The following C3orf20 variants were observed in gnomAD, a reference collection of about 807,000 sequenced individuals.
C3orf20 encodes the protein uncharacterized protein C3orf20.
C3orf20 carries 76 observed loss-of-function variants against 88.3 expected under a neutral mutation model. The observed-to-expected ratio is 0.86, with a 90% CI of 0.72 to 1.04. The LOEUF is 1.04. Ranked by LOEUF, C3orf20 falls within the 50% of genes least tolerant of loss-of-function variation. C3orf20 has a pLI of 0.00. For missense variants in C3orf20, 1,056 were observed against 1,123.3 expected (o/e 0.94, Z 0.86); for synonymous variants, 436 against 437.4 (o/e 1.00, Z 0.04).
intron 6 of C3orf20, 111 bp from the exon 7 acceptor site, chr3:14,704,226 G>C (rs1258315018): frequency 2.6e-6 from 3 of 1,139,472 alleles, no homozygotes; most frequent in Middle Eastern, 2.9e-4. Flanking sequence ...GTGTACTTTG[G>C]GGACAGGGGA....
chr3:14,749,763 T>G (rs2035166805), intron 12 of C3orf20, among the ~76,000 whole-genome samples: 1 of 152,110 alleles, frequency 6.6e-6, no homozygotes, highest in African/African-American at 2.4e-5. Flanking sequence ...TTTAGTTATT[T>G]TCTTTGTGGT....
At chr3:14,702,665 T>C (rs972804975) in intron 5 of C3orf20, among the ~76,000 whole-genome samples, 1 of 152,104 alleles carries the variant, frequency 6.6e-6, no homozygotes, top group Admixed American at 6.5e-5. Context: ...TGTCTCGAAC[T>C]CCTGACCTCA....
At position 14,724,109 on chromosome 3, in the gene C3orf20, G is replaced by A. The variant is rs149564374; in HGVS notation, c.1566+2325G>A. ...GCTGGGATTACAGGCGTGAGCCACC[G>A]TGCCTGGCCAGAAAAAGCTATTGTT... On this transcript the variant is annotated intron_variant, in intron 10 of 16. Transcript: ENST00000253697. 4.9e-3 allele frequency among the ~76,000 whole-genome samples: 750 copies of A among 152,196 alleles called. 7 individuals are homozygous for A. Among genetic ancestry groups the A allele is most frequent in the African/African-American group, 0.017 (690 of 41,502 alleles).
At chr3:14,762,319 A>G (rs1166425966) in intron 15 of C3orf20, among the ~76,000 whole-genome samples, 1 of 152,086 alleles carries the variant, frequency 6.6e-6, no homozygotes, top group Non-Finnish European at 1.5e-5. Context: ...CTTGTTGAGC[A>G]CCTCCTGGGC....
intron 4 of C3orf20, among the ~76,000 whole-genome samples, chr3:14,689,748 G>T (rs966735618): frequency 1.3e-5 from 2 of 151,828 alleles, no homozygotes; most frequent in African/African-American, 2.4e-5. Context: ...GCTGTTCCTT[G>T]TTCCGGTCCC....
At chr3:14,715,562 G>T (rs2033907565) in intron 9 of C3orf20, among the ~76,000 whole-genome samples, 153 bp downstream of exon 9, 1 of 152,254 alleles carries the variant, frequency 6.6e-6, no homozygotes, top group Non-Finnish European at 1.5e-5. Flanking sequence ...TCATTCAGAG[G>T]TTCCCAAGTT....
At chr3:14,687,945 C>A (rs2032515464) in intron 4 of C3orf20, among the ~76,000 whole-genome samples, 1 of 152,178 alleles carries the variant, frequency 6.6e-6, no homozygotes, top group Admixed American at 6.5e-5. Flanking sequence ...CACTCCCTAG[C>A]AAGCATCCCT....
intron 7 of C3orf20, among the ~76,000 whole-genome samples, chr3:14,713,267 CCTT>C (rs2033818225): frequency 6.6e-6 from 1 of 152,158 alleles, no homozygotes; most frequent in East Asian, 1.9e-4. Context: ...TCTTGTCTCT[CCTT>C]CTGGGACTCC....
chr3:14,685,886 G>A (rs1469130733), intron 4 of C3orf20, among the ~76,000 whole-genome samples: 7 of 129,012 alleles, frequency 5.4e-5, no homozygotes, highest in African/African-American at 8.8e-5. Flanking sequence ...TTTTTGAGAC[G>A]GAGTCTCGCT....
rs2031691331 is a variant in C3orf20, at chr3:14,675,199, T to C, written c.-352T>C. 6.6e-6 allele frequency: 1 copy of C among 152,226 alleles called. No homozygotes were observed. The highest frequency in any genetic ancestry group is 1.5e-5 in the Non-Finnish European group (1 of 68,054). 9.4% of individuals were successfully genotyped at this position (152,226 alleles called of 1,614,324 possible). A position where few individuals can be genotyped will look rare whatever the true frequency, so the allele number is the denominator to read the frequency against. On this transcript the variant is annotated 5_prime_UTR_variant, in exon 1 of 17. Transcript: ENST00000253697. ...ACTGTGTCCTTTTAAGTCAGTAAAT[T>C]GAACTAAGTCGGTTATTCGGCAAGC...
chr3:14,732,444 G>C (rs1559428260), intron 12 of C3orf20, among the ~76,000 whole-genome samples: 1 of 152,088 alleles, frequency 6.6e-6, no homozygotes, highest in Non-Finnish European at 1.5e-5. Context: ...TTATTCTCTT[G>C]ACAGTGTATT....
At chr3:14,708,659 T>G (rs1414253389) in intron 7 of C3orf20, among the ~76,000 whole-genome samples, 1 of 152,066 alleles carries the variant, frequency 6.6e-6, no homozygotes, top group Admixed American at 6.6e-5. Context: ...TGTTGTTGTT[T>G]TTGAGACAGA....
chr3:14,739,260 A>G (rs1393861764), intron 12 of C3orf20, among the ~76,000 whole-genome samples: 2 of 152,206 alleles, frequency 1.3e-5, no homozygotes, highest in African/African-American at 2.4e-5. Context: ...GTGGGCTGCA[A>G]TATGGTTGCT....
chr3:14,705,873 C>G (rs551188637), intron 7 of C3orf20, among the ~76,000 whole-genome samples: 1 of 152,196 alleles, frequency 6.6e-6, no homozygotes, highest in African/African-American at 2.4e-5. Context: ...AAAAGGAATT[C>G]TGTGGCCAAG....
At position 14,713,972 on chromosome 3, in the gene C3orf20, G is replaced by C. The variant is rs368156293; in HGVS notation, c.1161-35G>C. The C allele has an allele frequency of 4.6e-4, 749 of 1,612,294 alleles. 2 individuals are homozygous for C. The highest frequency in any genetic ancestry group is 6.1e-4 in the Non-Finnish European group (723 of 1,179,164). On this transcript the variant is annotated intron_variant, in intron 7 of 16. Transcript: ENST00000253697. Reference sequence around the variant, plus strand: ...GACAACTGAGAGCAGAACCAGGGGAGTTTTCTGTTAGTTCTACCTGAACAT... The same window carrying C: ...GACAACTGAGAGCAGAACCAGGGGACTTTTCTGTTAGTTCTACCTGAACAT...
chr3:14,699,173 A>T (rs1465823369), intron 5 of C3orf20, among the ~76,000 whole-genome samples: 1 of 152,070 alleles, frequency 6.6e-6, no homozygotes, highest in Non-Finnish European at 1.5e-5. Context: ...GCCCCAGGAC[A>T]GGTATAGAAA....
At chr3:14,713,107 T>C (rs2033812954) in intron 7 of C3orf20, among the ~76,000 whole-genome samples, 1 of 152,228 alleles carries the variant, frequency 6.6e-6, no homozygotes, top group African/African-American at 2.4e-5. Flanking sequence ...CTTTTGACAG[T>C]TGAATTATAA....
intron 1 of C3orf20, among the ~76,000 whole-genome samples, chr3:14,680,183 C>T (rs1334326271): frequency 6.6e-6 from 1 of 152,164 alleles, no homozygotes; most frequent in Non-Finnish European, 1.5e-5. Context: ...AAACATACAT[C>T]CACACAAAAG....
At chr3:14,733,826 T>G (rs1266830425) in intron 12 of C3orf20, among the ~76,000 whole-genome samples, 1 of 152,016 alleles carries the variant, frequency 6.6e-6, no homozygotes, top group Non-Finnish European at 1.5e-5. Flanking sequence ...GTAGCTGCAA[T>G]TACAGGCATG....
Sources: gnomAD v4.1 joint callset for allele counts (sites outside exome capture counted in the v4.1 genomes callset) on GRCh38, gnomAD v4.1.1 for gene constraint, MANE v1.5 for transcripts, NCBI Gene and HGNC (gene_info 2026-07-23, HGNC 2026-07-21) for gene names.